KLHL32: variants seen among roughly 807,000 people sequenced by gnomAD.
KLHL32 encodes the protein kelch like family member 32.
Under a neutral mutation model 64.8 loss-of-function variants are expected in KLHL32, and 35 were observed. That is an observed-to-expected ratio of 0.54 (90% CI 0.41 to 0.72). The LOEUF (loss-of-function observed/expected upper bound fraction) is 0.72, where lower values mean the gene tolerates loss of function less well. KLHL32 is among the 30% of genes least tolerant of loss of function. The pLI is 0.00. For synonymous variants in KLHL32, 259 were observed against 281.0 expected (o/e 0.92, Z 0.78); for missense variants, 589 against 768.5 (o/e 0.77, Z 2.76).
chr6:96,913,151 T>C, the KLHL32 span, among the ~76,000 whole-genome samples: 1 of 152,254 alleles, frequency 6.6e-6, no homozygotes, highest in Non-Finnish European at 1.5e-5. Context: ...GGACTATTAA[T>C]GAGGTACAGC....
chr6:97,017,049 G>A (rs1489684650), intron 3 of KLHL32, among the ~76,000 whole-genome samples: 3 of 152,134 alleles, frequency 2.0e-5, no homozygotes, highest in Non-Finnish European at 4.4e-5. Context: ...CCAGTCTCAG[G>A]TATTTCTTTA....
chr6:96,917,131 G>A, the KLHL32 span, among the ~76,000 whole-genome samples: 1 of 152,178 alleles, frequency 6.6e-6, no homozygotes, highest in Admixed American at 6.5e-5. Context: ...AGATTCTTAT[G>A]TTGGAAATTA....
intron 1 of KLHL32, among the ~76,000 whole-genome samples, chr6:96,940,849 C>T (rs139612752): frequency 6.6e-6 from 1 of 152,310 alleles, no homozygotes; most frequent in Non-Finnish European, 1.5e-5. Flanking sequence ...ATTCATAGAA[C>T]AGCCGAGAGA....
chr6:96,937,056 A>G (rs1770697910), intron 1 of KLHL32, among the ~76,000 whole-genome samples: 1 of 152,168 alleles, frequency 6.6e-6, no homozygotes, highest in South Asian at 2.1e-4. Context: ...TATCGATTAA[A>G]AAAAAAAAGT....
At position 96,979,179 on chromosome 6, in the gene KLHL32, A is replaced by C. The variant is rs555178727; in HGVS notation, c.204+3002A>C. ...ATTTGTCAATTTTTGGTTTTGTTGG[A>C]ATTGCTTTTGGTGTCTTTGTCATGA... is the stretch of plus-strand genomic sequence containing the variant. On this transcript the variant is annotated intron_variant, in intron 3 of 10. Transcript: ENST00000369261. Among the ~76,000 whole-genome samples the C allele has an allele frequency of 2.4e-4, 36 of 152,002 alleles. No homozygotes were observed. The South Asian group carries it at 7.3e-3, about 31-fold the overall frequency.
chr6:96,936,113 G>A (rs1770566007), intron 1 of KLHL32, among the ~76,000 whole-genome samples: 1 of 152,146 alleles, frequency 6.6e-6, no homozygotes, highest in African/African-American at 2.4e-5. Flanking sequence ...CCAGCAGTAG[G>A]ACCTTTATAG....
chr6:96,936,000 A>G (rs1770550928), intron 1 of KLHL32, among the ~76,000 whole-genome samples: 1 of 152,118 alleles, frequency 6.6e-6, no homozygotes, highest in Admixed American at 6.6e-5. Context: ...GTATCCCAAC[A>G]TTGATTGGGC....
At chr6:97,135,922 T>A (rs1056740036) in intron 10 of KLHL32, among the ~76,000 whole-genome samples, 2 of 152,118 alleles carry the variant, frequency 1.3e-5, no homozygotes, top group Non-Finnish European at 2.9e-5. Flanking sequence ...AGAGGCAAGA[T>A]GATGGGAGAC....
chr6:97,106,938 T>C (rs1796488874), intron 6 of KLHL32, among the ~76,000 whole-genome samples: 1 of 152,150 alleles, frequency 6.6e-6, no homozygotes, highest in African/African-American at 2.4e-5. Flanking sequence ...CCAACCTATT[T>C]TGAAGCAAAA....
In KLHL32 at chr6:97,048,268, A is replaced by C. The variant is rs546150000; in HGVS notation, c.312+6669A>C. 2.6e-5 allele frequency among the ~76,000 whole-genome samples: 4 copies of C among 152,328 alleles called. No individual in the cohort carries two copies. In the South Asian group the frequency reaches 8.3e-4, roughly 32 times the overall value. ...AATTATGTCATATCCGGGCTTCTGA[A>C]GAAGGATGCCTTGGGATCTGTGTTC... On this transcript the variant is annotated intron_variant, in intron 4 of 10. Transcript: ENST00000369261.
At chr6:96,956,442 C>G (rs1448608713) in intron 1 of KLHL32, among the ~76,000 whole-genome samples, 24 of 152,214 alleles carry the variant, frequency 1.6e-4, no homozygotes, top group Non-Finnish European at 8.8e-5. Flanking sequence ...TATGCTGCAT[C>G]TCCATGTAGT....
At chr6:96,975,132 G>T (rs1318030899) in intron 2 of KLHL32, among the ~76,000 whole-genome samples, 1 of 152,182 alleles carries the variant, frequency 6.6e-6, no homozygotes, top group Non-Finnish European at 1.5e-5. Context: ...CTGTATTATT[G>T]TAGAATGATC....
Position 97,140,708 on chromosome 6 carries a change from T to A in KLHL32, c.*1426T>A, listed in dbSNP as rs537126673. 5.8e-4 allele frequency: 88 copies of A among 152,072 alleles called. No homozygotes were observed. Among genetic ancestry groups the A allele is most frequent in the African/African-American group, 2.1e-3 (87 of 41,552 alleles). 9.4% of individuals were successfully genotyped at this position (152,072 alleles called of 1,614,324 possible). On this transcript the variant is annotated 3_prime_UTR_variant, in exon 11 of 11. Coordinates refer to ENST00000369261, the MANE Select transcript of KLHL32 (RefSeq NM_052904.4). ...AAATTGTTATTTTATTCATGTAACC[T>A]TTTTTTGTAATCAAAAGTGAATAAA...
At chr6:97,095,241 G>T (rs1794813371) in intron 6 of KLHL32, among the ~76,000 whole-genome samples, 1 of 152,212 alleles carries the variant, frequency 6.6e-6, no homozygotes, top group African/African-American at 2.4e-5. Flanking sequence ...TGGACCTGCT[G>T]AGGACTGTAA....
intron 6 of KLHL32, among the ~76,000 whole-genome samples, chr6:97,103,090 A>G (rs1452691974): frequency 6.6e-6 from 1 of 151,852 alleles, no homozygotes; most frequent in African/African-American, 2.4e-5. Flanking sequence ...TATGCCCATT[A>G]TATATAAATA....
intron 6 of KLHL32, among the ~76,000 whole-genome samples, chr6:97,091,093 C>T (rs1169271522): frequency 6.6e-6 from 1 of 152,154 alleles, no homozygotes; most frequent in Non-Finnish European, 1.5e-5. Flanking sequence ...TGGCATGCAC[C>T]TGTAGTTCCA....
chr6:97,100,357 T>A (rs745771032), intron 6 of KLHL32, among the ~76,000 whole-genome samples: 2 of 152,118 alleles, frequency 1.3e-5, no homozygotes, highest in African/African-American at 2.4e-5. Context: ...TTTATGTATA[T>A]CCTTTGCAGC....
chr6:97,012,906 G>T (rs75670457), intron 3 of KLHL32, among the ~76,000 whole-genome samples: 8,486 of 152,168 alleles, frequency 0.056, 453 homozygotes, highest in African/African-American at 0.14. Context: ...TTTGGTTGTG[G>T]TTATTTTTCA....
At chr6:97,058,287 G>A (rs993554101) in intron 4 of KLHL32, among the ~76,000 whole-genome samples, 1 of 152,160 alleles carries the variant, frequency 6.6e-6, no homozygotes. Flanking sequence ...ATAACTGTGG[G>A]ATTTTGAATA....
Sources: allele counts gnomAD v4.1 joint callset (sites outside exome capture counted in the v4.1 genomes callset), GRCh38; gene constraint gnomAD v4.1.1; transcripts MANE v1.5; gene names NCBI Gene and HGNC (gene_info 2026-07-23, HGNC 2026-07-21).